TAFA4: variants seen among roughly 807,000 people sequenced by gnomAD.
TAFA4 encodes the protein chemokine-like protein TAFA-4.
Under a neutral mutation model 21.1 loss-of-function variants are expected in TAFA4, and 20 were observed. The observed-to-expected ratio is 0.95, with a 90% confidence interval of 0.67 to 1.38. The LOEUF (loss-of-function observed/expected upper bound fraction) is 1.38, where lower values mean the gene tolerates loss of function less well. Among genes scored for constraint, TAFA4 ranks in the 40% most tolerant of loss-of-function variants. The pLI, the probability that TAFA4 is intolerant of heterozygous loss-of-function variation, is 0.00. For synonymous variants in TAFA4, 71 were observed against 67.4 expected (o/e 1.05, Z -0.26); for missense variants, 211 against 180.9 (o/e 1.17, Z -0.95).
At chr3:68,894,844 G>GGTTTT (rs371557807) in intron 1 of TAFA4, among the ~76,000 whole-genome samples, 2,855 of 152,008 alleles carry the variant, frequency 0.019, 87 homozygotes, top group African/African-American at 0.065. Flanking sequence ...GGGTGTTTTT[G>GGTTTT]GTTTTGTTTT....
At chr3:68,823,607 C>T (rs948363238) in intron 3 of TAFA4, among the ~76,000 whole-genome samples, 1 of 152,080 alleles carries the variant, frequency 6.6e-6, no homozygotes, top group East Asian at 1.9e-4. Context: ...TCCCCAAACC[C>T]CACCCTCCAA....
chr3:68,790,433 T>C (rs1703341187), intron 3 of TAFA4, among the ~76,000 whole-genome samples: 1 of 152,136 alleles, frequency 6.6e-6, no homozygotes, highest in Non-Finnish European at 1.5e-5. Context: ...TCAAAATATT[T>C]CAATAATTAC....
In TAFA4 at chr3:68,859,041, C is replaced by CA. The variant is rs764509526; in HGVS notation, c.130+21688dup. On this transcript the variant is annotated intron_variant, in intron 3 of 5. Coordinates refer to ENST00000295569, the MANE Select transcript of TAFA4 (RefSeq NM_182522.5). ...AGAAGCCAGCTGCAGAGGACTGCTA[C>CA]AAAAAAAAAAGAAATAATCTGTTAT... Among the ~76,000 whole-genome samples, 303 of 140,046 alleles carry CA rather than the reference C, an allele frequency of 2.2e-3. 1 individual carries two copies. The highest frequency in any genetic ancestry group is 2.8e-3 in the African/African-American group (107 of 37,910). 91.9% of individuals were successfully genotyped at this position (140,046 alleles called of 152,430 possible).
At chr3:68,734,204 ATATTC>A (rs1479850174) in intron 5 of TAFA4, among the ~76,000 whole-genome samples, 1 of 152,154 alleles carries the variant, frequency 6.6e-6, no homozygotes, top group Admixed American at 6.6e-5. Flanking sequence ...GCATTCTGAA[ATATTC>A]TGTTTTTGAT....
At chr3:68,899,225 C>A (rs1023602298) in intron 1 of TAFA4, among the ~76,000 whole-genome samples, 5 of 152,108 alleles carry the variant, frequency 3.3e-5, no homozygotes, top group Non-Finnish European at 7.4e-5. Context: ...CACACCAAAT[C>A]TTAAAGCCTT....
At chr3:68,775,225 T>A (rs1273800931) in intron 3 of TAFA4, among the ~76,000 whole-genome samples, 3 of 152,178 alleles carry the variant, frequency 2.0e-5, no homozygotes, top group Admixed American at 6.5e-5. Context: ...TCTTTTCCAA[T>A]TTCCTCCACT....
chr3:68,747,830 C>T (rs564387212), intron 4 of TAFA4, among the ~76,000 whole-genome samples: 1 of 152,236 alleles, frequency 6.6e-6, no homozygotes, highest in African/African-American at 2.4e-5. Flanking sequence ...CGCAAATTCC[C>T]AGAAGGCAGG....
intron 3 of TAFA4, among the ~76,000 whole-genome samples, chr3:68,777,247 T>C (rs571572426): frequency 6.6e-6 from 1 of 152,210 alleles, no homozygotes; most frequent in Admixed American, 6.5e-5. Context: ...AAAAGCACAC[T>C]GCGGGAACAT....
At chr3:68,891,425 G>C (rs2089729599) in intron 1 of TAFA4, among the ~76,000 whole-genome samples, 1 of 152,166 alleles carries the variant, frequency 6.6e-6, no homozygotes, top group Non-Finnish European at 1.5e-5. Context: ...CCAGAGTGAG[G>C]AGGTTTGGAT....
intron 3 of TAFA4, among the ~76,000 whole-genome samples, chr3:68,840,791 T>G (rs1049839290): frequency 6.6e-6 from 1 of 152,188 alleles, no homozygotes; most frequent in Non-Finnish European, 1.5e-5. Context: ...GATTTGTCCT[T>G]GGTAGCACCA....
At chr3:68,878,825 G>C (rs2089583349) in intron 3 of TAFA4, among the ~76,000 whole-genome samples, 1 of 152,102 alleles carries the variant, frequency 6.6e-6, no homozygotes, top group Non-Finnish European at 1.5e-5. Context: ...TTGTCTTCAA[G>C]AAAGAGTCTC....
intron 1 of TAFA4, among the ~76,000 whole-genome samples, chr3:68,893,065 C>T (rs1559555635): frequency 6.6e-6 from 1 of 152,184 alleles, no homozygotes; most frequent in Admixed American, 6.5e-5. Context: ...ATCCTTACTG[C>T]AGAGGGTTTA....
intron 1 of TAFA4, among the ~76,000 whole-genome samples, chr3:68,885,723 G>A (rs962640056): frequency 1.3e-5 from 2 of 152,158 alleles, no homozygotes; most frequent in East Asian, 1.9e-4. Context: ...AAGCCAGCAC[G>A]AAGATCTGAA....
At chr3:68,850,129 C>T (rs1443643482) in intron 3 of TAFA4, among the ~76,000 whole-genome samples, 2 of 152,170 alleles carry the variant, frequency 1.3e-5, no homozygotes. Context: ...ACCTGACGCA[C>T]AAAGCGCTCT....
Position 68,829,148 on chromosome 3 carries a change from A to G in TAFA4, c.130+51582T>C, listed in dbSNP as rs147405667. 1.9e-3 allele frequency among the ~76,000 whole-genome samples: 291 copies of G among 152,334 alleles called. 2 individuals carry two copies. The highest frequency in any genetic ancestry group is 6.7e-3 in the African/African-American group (280 of 41,582). On this transcript the variant is annotated intron_variant, in intron 3 of 5. Coordinates refer to ENST00000295569, the MANE Select transcript of TAFA4 (RefSeq NM_182522.5). The stretch of plus-strand genomic sequence containing the variant: ...GCATCATGCTACCTGACTTCAAACT[A>G]TACTACAAGGCTACAGTAACCAAAA...
intron 3 of TAFA4, among the ~76,000 whole-genome samples, chr3:68,768,818 G>A (rs1702902614): frequency 1.3e-5 from 2 of 152,126 alleles, no homozygotes; most frequent in African/African-American, 4.8e-5. Flanking sequence ...AAGACATTAT[G>A]TTAAATGAAA....
At chr3:68,751,667 T>C (rs1160917211) in intron 4 of TAFA4, among the ~76,000 whole-genome samples, 1 of 152,204 alleles carries the variant, frequency 6.6e-6, no homozygotes, top group Non-Finnish European at 1.5e-5. Context: ...TTCTGTAAGA[T>C]GACAGCAAAA....
intron 3 of TAFA4, among the ~76,000 whole-genome samples, chr3:68,824,940 C>G (rs565290120): frequency 1.3e-5 from 2 of 152,288 alleles, no homozygotes; most frequent in Admixed American, 1.3e-4. Flanking sequence ...TTGGTCAACT[C>G]TCACTTACCT....
At chr3:68,924,901 C>T (rs2090093134) in intron 1 of TAFA4, among the ~76,000 whole-genome samples, 1 of 152,182 alleles carries the variant, frequency 6.6e-6, no homozygotes, top group African/African-American at 2.4e-5. Context: ...CACTCCTTGA[C>T]CTTCATGGGG....
Sources: allele counts gnomAD v4.1 joint callset (sites outside exome capture counted in the v4.1 genomes callset), GRCh38; gene constraint gnomAD v4.1.1; transcripts MANE v1.5; gene names NCBI Gene and HGNC (gene_info 2026-07-23, HGNC 2026-07-21).